Variants in GALNT11 observed in about 807,000 individuals in gnomAD.
The protein encoded by GALNT11 is polypeptide N-acetylgalactosaminyltransferase 11, also known as UDP-GalNAc:polypeptide N-acetylgalactosaminyltransferase 11.
GALNT11 carries 47 observed loss-of-function variants against 72.7 expected under a neutral mutation model. The ratio of observed to expected loss-of-function variants is 0.65; its 90% CI spans 0.51 to 0.82. GALNT11 has a LOEUF of 0.82. GALNT11 is among the 40% of genes least tolerant of loss of function. The probability of loss-of-function intolerance (pLI) is 0.00; values close to 1 mark genes in which losing one functional copy is unlikely to be tolerated. For missense variants in GALNT11, 677 were observed against 778.4 expected (o/e 0.87, Z 1.55); for synonymous variants, 270 against 286.6 (o/e 0.94, Z 0.58).
rs1462087637 is a variant in GALNT11, at chr7:152,047,482, AAAC to A, written c.-39+21601_-39+21603del. Among the ~76,000 whole-genome samples the A allele has an allele frequency of 3.3e-5, 5 of 151,646 alleles. No homozygotes were observed. In the East Asian group the frequency reaches 7.7e-4, roughly 23 times the overall value. ...TCCATCTCAAAACAAACAAACAAAC[AAAC>A]AAAACAAACAAAACAGCTTGGGCAA... On this transcript the variant is annotated intron_variant, in intron 1 of 11. Coordinates refer to ENST00000430044, the MANE Select transcript of GALNT11 (RefSeq NM_022087.4).
chr7:152,089,380 A>G (rs915334833), intron 1 of GALNT11, among the ~76,000 whole-genome samples: 2 of 152,210 alleles, frequency 1.3e-5, no homozygotes, highest in African/African-American at 4.8e-5. Context: ...CAGCAAGGCA[A>G]TCTGTATTTT....
intron 2 of GALNT11, among the ~76,000 whole-genome samples, chr7:152,096,285 A>G (rs2086366421): frequency 6.6e-6 from 1 of 152,210 alleles, no homozygotes; most frequent in African/African-American, 2.4e-5. Flanking sequence ...TAAAATTAAT[A>G]TGGAATTACA....
At chr7:152,089,568 T>C (rs2085876778) in intron 1 of GALNT11, among the ~76,000 whole-genome samples, 1 of 152,180 alleles carries the variant, frequency 6.6e-6, no homozygotes, top group African/African-American at 2.4e-5. Context: ...TTAAAACTTT[T>C]CTAAATAGGT....
chr7:152,071,556 A>G (rs1587153062), intron 1 of GALNT11, among the ~76,000 whole-genome samples: 1 of 152,148 alleles, frequency 6.6e-6, no homozygotes, highest in South Asian at 2.1e-4. Flanking sequence ...AGTTAATGCA[A>G]TTATCATAGG....
chr7:152,046,446 C>T (rs1185796440), intron 1 of GALNT11, among the ~76,000 whole-genome samples: 2 of 152,114 alleles, frequency 1.3e-5, no homozygotes, highest in Non-Finnish European at 2.9e-5. Flanking sequence ...CTCTCTTTAG[C>T]TCTAATAATA....
At chr7:152,116,560 G>T (rs2088875921) in intron 8 of GALNT11, among the ~76,000 whole-genome samples, 1 of 152,188 alleles carries the variant, frequency 6.6e-6, no homozygotes, top group Non-Finnish European at 1.5e-5. Context: ...ACATTTTAAT[G>T]CAACAGTGTA....
At chr7:152,092,841 T>C (rs971488440) in intron 1 of GALNT11, among the ~76,000 whole-genome samples, 5 of 152,222 alleles carry the variant, frequency 3.3e-5, no homozygotes, top group African/African-American at 1.2e-4. Context: ...CTGCCATAAG[T>C]CTGTTTACTG....
chr7:152,110,436 A>G (rs1408044297), intron 6 of GALNT11, 92 bp from the exon 7 acceptor site: 15 of 861,596 alleles, frequency 1.7e-5, no homozygotes, highest in Non-Finnish European at 2.9e-5. Context: ...TTTATTAGTT[A>G]TGTTCCAAAA....
chr7:152,062,084 T>C (rs2084049221), intron 1 of GALNT11, among the ~76,000 whole-genome samples: 1 of 152,216 alleles, frequency 6.6e-6, no homozygotes, highest in Admixed American at 6.5e-5. Flanking sequence ...ATTTTCACGA[T>C]ATTGATTCTT....
Position 152,094,485 on chromosome 7 carries a change from T to A in GALNT11, c.258T>A (p.Asp86Glu). ...ATGTGATAGACAGTCGTGTTGAAGA[T>A]CCAGAAGAAGGCCACTTGAAATTCT... Reference protein sequence around the residue: ...IDDVIDSRVEDPEEGHLKFSS... With the variant: ...IDDVIDSRVEEPEEGHLKFSS... Residue 86 changes from aspartate to glutamate, a missense_variant, in exon 2 of 12, where the codon GAT (aspartate) becomes GAA (glutamate). Transcript: ENST00000430044. This position sits in a 1 kb window ranked among gnomAD's most constrained non-coding sequence, Gnocchi z 4.3. 1.2e-6 allele frequency: 2 copies of A among 1,612,982 alleles called. No homozygotes were observed. Among genetic ancestry groups the A allele is most frequent in the Non-Finnish European group, 8.5e-7 (1 of 1,179,262 alleles).
At chr7:152,027,863 A>C (rs1485506781) in intron 1 of GALNT11, 1 of 156,584 alleles carries the variant, frequency 6.4e-6, no homozygotes, top group South Asian at 2.0e-4. Flanking sequence ...TGAGTGTTAC[A>C]GCTCTTAAAG....
intron 1 of GALNT11, among the ~76,000 whole-genome samples, chr7:152,084,178 T>G (rs929702986): frequency 2.0e-5 from 3 of 151,952 alleles, no homozygotes; most frequent in Non-Finnish European, 4.4e-5. Context: ...GGGGTTTTTT[T>G]GGGGAACTCT....
chr7:152,040,849 C>T (rs1055259975), intron 1 of GALNT11, among the ~76,000 whole-genome samples: 2 of 152,194 alleles, frequency 1.3e-5, no homozygotes, highest in Non-Finnish European at 2.9e-5. Flanking sequence ...AGAAGCTTTA[C>T]CGTTGCTAGA....
chr7:152,093,235 GAA>G (rs779508496), intron 1 of GALNT11, among the ~76,000 whole-genome samples: 10 of 109,972 alleles, frequency 9.1e-5, no homozygotes, highest in Non-Finnish European at 1.6e-4. Flanking sequence ...TCTTAAAAAG[GAA>G]AAAAAAAAAA....
intron 1 of GALNT11, among the ~76,000 whole-genome samples, chr7:152,063,556 G>A (rs1186661718): frequency 2.0e-5 from 3 of 151,948 alleles, no homozygotes; most frequent in South Asian, 4.2e-4. Context: ...TGTATGTTAG[G>A]GTGTCAATTT....
At chr7:152,103,469 C>A in intron 4 of GALNT11, 191 bp downstream of exon 4, 2 of 508,004 alleles carry the variant, frequency 3.9e-6, no homozygotes, top group East Asian at 3.1e-5. Flanking sequence ...ACTATGCTAC[C>A]CAAATTTGGG....
chr7:152,106,059 C>G (rs2087518033), intron 5 of GALNT11, among the ~76,000 whole-genome samples: 1 of 151,968 alleles, frequency 6.6e-6, no homozygotes, highest in African/African-American at 2.4e-5. Context: ...TTATGGTTAC[C>G]TATGTGTAAT....
In GALNT11 at chr7:152,108,283, A is replaced by G. The variant is rs762381597; in HGVS notation, c.958A>G (p.Ile320Val). Residue 320 changes from isoleucine to valine, a missense_variant, in exon 6 of 12, where the codon ATA becomes GTA. By Grantham distance (29) the Ile-to-Val change is conservative. Coordinates refer to ENST00000430044, the MANE Select transcript of GALNT11 (RefSeq NM_022087.4). ...LGRAEGATAP[I>V]KSPTMAGGLF... ...ACGAGCGGAGGGAGCCACTGCACCA[A>G]TAAAGTAAGATCGCTCCTTTGTTTG... 1.9e-6 allele frequency: 3 copies of G among 1,603,520 alleles called. No homozygotes were observed. Among genetic ancestry groups the G allele is most frequent in the Non-Finnish European group, 2.6e-6 (3 of 1,171,152 alleles).
intron 1 of GALNT11, among the ~76,000 whole-genome samples, chr7:152,044,451 G>A (rs1436347619): frequency 6.6e-6 from 1 of 152,176 alleles, no homozygotes; most frequent in Non-Finnish European, 1.5e-5. Context: ...GCCATCATGA[G>A]CATGTCACAG....
Sources: allele counts gnomAD v4.1 joint callset (sites outside exome capture counted in the v4.1 genomes callset), GRCh38; gene constraint gnomAD v4.1.1; non-coding constraint Gnocchi (gnomAD v3.1); transcripts MANE v1.5; gene names NCBI Gene and HGNC (gene_info 2026-07-23, HGNC 2026-07-21).